The following ZDHHC20 variants were observed in gnomAD, a reference collection of about 807,000 sequenced individuals.
The protein encoded by ZDHHC20 is palmitoyltransferase ZDHHC20.
A neutral mutation model predicts 57.8 loss-of-function variants in ZDHHC20; 43 were observed. That is an observed-to-expected ratio of 0.74 (90% CI 0.58 to 0.96). ZDHHC20 has a LOEUF of 0.96. Ranked by LOEUF, ZDHHC20 falls within the 40% of genes least tolerant of loss-of-function variation. ZDHHC20 has a pLI of 0.00. For synonymous variants in ZDHHC20, 157 were observed against 153.0 expected (o/e 1.03, Z -0.19); for missense variants, 391 against 441.1 (o/e 0.89, Z 1.02).
intron 3 of ZDHHC20, among the ~76,000 whole-genome samples, chr13:21,415,405 CA>C (rs1280014263): frequency 6.6e-6 from 1 of 152,132 alleles, no homozygotes; most frequent in Non-Finnish European, 1.5e-5. Context: ...CTTCCACAAG[CA>C]AAGTGTGATG....
At position 21,413,760 on chromosome 13, in the gene ZDHHC20, T is replaced by C; in HGVS notation, c.262A>G (p.Asn88Asp). The change falls in exon 4 of 13, where the codon AAT becomes GAT. Residue 88 changes from asparagine (N) to aspartate (D), a missense_variant. Around this residue, in one of 3 missense-constraint regions of ZDHHC20, gnomAD observed 185 missense variants for 188.0 expected, o/e 0.98. Coordinates refer to ENST00000400590, the MANE Select transcript of ZDHHC20 (RefSeq NM_001330059.2). ...TTTTCATAACGTTCCTTTTCAGAAT[T>C]GGACAAGTAGAACTATAAAAGGAAA... ...ASPSKEFYLS[N>D]SEKERYEKEF... 1.9e-6 allele frequency: 3 copies of C among 1,609,612 alleles called. No individual in the cohort carries two copies. The highest frequency in any genetic ancestry group is 2.5e-6 in the Non-Finnish European group (3 of 1,177,928).
At chr13:21,409,667 C>T (rs572679721) in intron 4 of ZDHHC20, among the ~76,000 whole-genome samples, 107 of 152,190 alleles carry the variant, frequency 7.0e-4, no homozygotes, top group South Asian at 4.4e-3. Context: ...CTTTCTTCTA[C>T]TTGATCGATT....
intron 1 of ZDHHC20, among the ~76,000 whole-genome samples, chr13:21,450,767 T>C (rs1461166859): frequency 1.3e-5 from 2 of 151,796 alleles, no homozygotes; most frequent in African/African-American, 2.4e-5. Context: ...GTTTTTTTTT[T>C]TTTTGGAGAC....
chr13:21,450,292 G>A (rs1593287087), intron 1 of ZDHHC20, among the ~76,000 whole-genome samples: 1 of 152,176 alleles, frequency 6.6e-6, no homozygotes, highest in African/African-American at 2.4e-5. Context: ...GGGCAGAGAA[G>A]CAGCCAGGCT....
chr13:21,381,293 A>C (rs1226681884), intron 11 of ZDHHC20, 141 bp downstream of exon 11: 1 of 733,554 alleles, frequency 1.4e-6, no homozygotes, highest in Non-Finnish European at 2.2e-6. Flanking sequence ...GGCGTGAGCC[A>C]CCGCGCCCAG....
At position 21,411,349 on chromosome 13, in the gene ZDHHC20, G is replaced by C. The variant is rs1593227199; in HGVS notation, c.370+2303C>G. Among the ~76,000 whole-genome samples, 3 of 152,146 alleles carry C rather than the reference G, an allele frequency of 2.0e-5. No homozygotes were observed. The East Asian group carries it at 5.8e-4, about 29-fold the overall frequency. On this transcript the variant is annotated intron_variant, in intron 4 of 12. Coordinates refer to ENST00000400590, the MANE Select transcript of ZDHHC20 (RefSeq NM_001330059.2). ...GACCGAGTATGTTATATTTTATTGA[G>C]GGCCTTCTATAACACCTTGCCTGGG...
rs1877485900 is a variant in ZDHHC20 at position 21,400,585 on chromosome 13, G to A, written c.474-92C>T. On this transcript the variant is annotated intron_variant, in intron 6 of 12. Coordinates refer to ENST00000400590, the MANE Select transcript of ZDHHC20 (RefSeq NM_001330059.2). ...AGGATGGAGGCTGCCAGGGGCTGGTGTGGTGTGGGGAAGGGGAGCTTTTTA... is the reference window on the plus strand; with the variant it reads ...AGGATGGAGGCTGCCAGGGGCTGGTATGGTGTGGGGAAGGGGAGCTTTTTA... The A allele has an allele frequency of 5.1e-5, 68 of 1,339,418 alleles. No individual in the cohort carries two copies. The South Asian group carries it at 9.5e-4, about 19-fold the overall frequency. 83.0% of individuals were successfully genotyped at this position (1,339,418 alleles called of 1,614,324 possible). A position where few individuals can be genotyped will look rare whatever the true frequency, so the allele number is the denominator to read the frequency against.
intron 7 of ZDHHC20, among the ~76,000 whole-genome samples, chr13:21,392,202 C>A (rs1875842541): frequency 6.8e-6 from 1 of 147,200 alleles, no homozygotes; most frequent in African/African-American, 2.6e-5. Context: ...CACAGTGAGA[C>A]CCTGTCTCAT....
chr13:21,383,866 C>T (rs1873939918), intron 9 of ZDHHC20, among the ~76,000 whole-genome samples: 1 of 151,952 alleles, frequency 6.6e-6, no homozygotes, highest in Non-Finnish European at 1.5e-5. Context: ...CATACTTATG[C>T]CTTATTTTCA....
chr13:21,381,673 A>C, intron 10 of ZDHHC20, 124 bp from the exon 11 acceptor site: 1 of 661,710 alleles, frequency 1.5e-6, no homozygotes, highest in South Asian at 2.0e-5. Context: ...ATGAGATCTT[A>C]GCACTCTGAA....
intron 1 of ZDHHC20, among the ~76,000 whole-genome samples, chr13:21,455,633 GGTGTGTGTGT>G (rs3070118): frequency 0.38 from 55,980 of 148,050 alleles, 10,938 homozygotes; most frequent in Non-Finnish European, 0.44. Context: ...CCAGTGAAGT[GGTGTGTGTGT>G]GTGTGTGTGT....
intron 1 of ZDHHC20, among the ~76,000 whole-genome samples, chr13:21,436,829 A>G (rs1882597775): frequency 6.6e-6 from 1 of 152,248 alleles, no homozygotes; most frequent in African/African-American, 2.4e-5. Flanking sequence ...AAACCAAGAC[A>G]GGATAAACGC....
intron 1 of ZDHHC20, among the ~76,000 whole-genome samples, chr13:21,441,694 G>A (rs918112917): frequency 3.8e-4 from 57 of 150,620 alleles, no homozygotes; most frequent in African/African-American, 1.3e-3. Context: ...GAGCCACCAC[G>A]CCCAGCCCTC....
At chr13:21,389,760 C>T (rs1029297299) in intron 8 of ZDHHC20, among the ~76,000 whole-genome samples, 1 of 152,122 alleles carries the variant, frequency 6.6e-6, no homozygotes, top group Non-Finnish European at 1.5e-5. Context: ...TGCTTAGCTC[C>T]ATTTCACTGA....
chr13:21,410,886 C>A (rs550228642), intron 4 of ZDHHC20, among the ~76,000 whole-genome samples: 49 of 152,202 alleles, frequency 3.2e-4, no homozygotes, highest in African/African-American at 1.1e-3. Flanking sequence ...GTCTTGCTGG[C>A]GTGCCAGGTG....
chr13:21,416,514 C>A (rs1593236157), intron 3 of ZDHHC20, among the ~76,000 whole-genome samples: 1 of 152,080 alleles, frequency 6.6e-6, no homozygotes, highest in South Asian at 2.1e-4. Context: ...ATAAAAACAA[C>A]CATTGCCTTC....
chr13:21,401,095 T>C (rs1427697692), intron 6 of ZDHHC20, among the ~76,000 whole-genome samples: 1 of 151,836 alleles, frequency 6.6e-6, no homozygotes, highest in Non-Finnish European at 1.5e-5. Flanking sequence ...ATGGGCAACA[T>C]GGAGAGACCC....
chr13:21,416,893 A>C (rs959644358), intron 3 of ZDHHC20, among the ~76,000 whole-genome samples: 2 of 152,250 alleles, frequency 1.3e-5, no homozygotes, highest in African/African-American at 4.8e-5. Flanking sequence ...GATTTGGTGT[A>C]CCATGCAAAC....
intron 1 of ZDHHC20, among the ~76,000 whole-genome samples, chr13:21,429,808 G>A (rs1490073940): frequency 6.6e-6 from 1 of 151,978 alleles, no homozygotes; most frequent in Non-Finnish European, 1.5e-5. Context: ...TCTCTCTTTT[G>A]TTCAGATTGG....
Sources: gnomAD v4.1 joint callset for allele counts (sites outside exome capture counted in the v4.1 genomes callset) on GRCh38, gnomAD v4.1.1 for gene constraint, gnomAD v4.1.1 regional missense constraint, MANE v1.5 for transcripts, NCBI Gene and HGNC (gene_info 2026-07-23, HGNC 2026-07-21) for gene names.